CELF2: variants seen among roughly 807,000 people sequenced by gnomAD.
The protein encoded by CELF2 is CUG triplet repeat RNA-binding protein 2.
Under a neutral mutation model 62.6 loss-of-function variants are expected in CELF2, and 8 were observed. The ratio of observed to expected loss-of-function variants is 0.13; its 90% CI spans 0.07 to 0.23. CELF2 has a LOEUF of 0.23. CELF2 is among the 10% of genes least tolerant of loss of function. The pLI, the probability that CELF2 is intolerant of heterozygous loss-of-function variation, is 1.00. For synonymous variants in CELF2, 258 were observed against 250.0 expected (o/e 1.03, Z -0.30); for missense variants, 333 against 671.0 (o/e 0.50, Z 5.56).
chr10:11,136,254 G>A (rs1219753407), intron 1 of CELF2, among the ~76,000 whole-genome samples: 1 of 152,162 alleles, frequency 6.6e-6, no homozygotes, highest in African/African-American at 2.4e-5. Context: ...AGAGAATATA[G>A]CATGGTTCCT....
Position 11,321,519 on chromosome 10 carries a change from T to TA in CELF2, c.1294+147dup, listed in dbSNP as rs34817797. 0.055 allele frequency: 30,790 copies of TA among 564,012 alleles called. 733 individuals are homozygous for TA. The highest frequency in any genetic ancestry group is 0.2 in the African/African-American group (10,569 of 51,958). 34.9% of individuals were successfully genotyped at this position (564,012 alleles called of 1,614,324 possible). A position where few individuals can be genotyped will look rare whatever the true frequency, so the allele number is the denominator to read the frequency against. On this transcript the variant is annotated intron_variant, in intron 11 of 12. Coordinates refer to ENST00000633077, the MANE Select transcript of CELF2 (RefSeq NM_001326342.2). The surrounding 1 kb of genome is among the most constrained non-coding windows in gnomAD (Gnocchi z 6.2). ...AAGCAGTTGTTTTGTTATTCATGTT[T>TA]AAAAAAAAAAAAAACTGAAAGCTGG...
At chr10:10,775,358 C>T in the CELF2 span, among the ~76,000 whole-genome samples, 68 of 151,938 alleles carry the variant, frequency 4.5e-4, no homozygotes, top group Non-Finnish European at 4.3e-4. Context: ...AGGCCAGGTG[C>T]GGTGGCTCAC....
the CELF2 span, among the ~76,000 whole-genome samples, chr10:10,679,358 C>T: frequency 3.3e-5 from 5 of 152,224 alleles, no homozygotes; most frequent in Middle Eastern, 3.4e-3. Context: ...GATGTGATCT[C>T]GGCTCACTGC....
At chr10:10,790,626 A>G in the CELF2 span, among the ~76,000 whole-genome samples, 2 of 152,176 alleles carry the variant, frequency 1.3e-5, no homozygotes, top group African/African-American at 4.8e-5. Flanking sequence ...TCTTGCTCAA[A>G]GGACACAGAT....
upstream of CELF2, chr10:10,798,475 G>GAGCTTAATCCA (rs1394775855): frequency 6.3e-6 from 2 of 319,394 alleles, no homozygotes; most frequent in Non-Finnish European, 1.1e-5. Flanking sequence ...ATTTAAGTGA[G>GAGCTTAATCCA]AGCTGTGCTT....
At chr10:11,003,418 C>CA (rs558037479), upstream of CELF2, among the ~76,000 whole-genome samples, 103 of 152,212 alleles carry the variant, frequency 6.8e-4, 1 homozygote, top group South Asian at 3.9e-3. The surrounding 1 kb of genome is among the most constrained non-coding windows in gnomAD (Gnocchi z 4.4). Context: ...TGGAAATATG[C>CA]AAAAAGGGCT....
intron 1 of CELF2, among the ~76,000 whole-genome samples, chr10:10,860,851 G>T (rs1378893418): frequency 1.3e-5 from 2 of 152,220 alleles, no homozygotes; most frequent in African/African-American, 4.8e-5. Context: ...TTAGTTGACA[G>T]CCTGTGATTT....
rs1184754262 is a variant in CELF2 at position 11,039,718 on chromosome 10, T to C, written c.74+21555T>C. On this transcript the variant is annotated intron_variant, in intron 1 of 12. Transcript: ENST00000633077. This position sits in a 1 kb window ranked among gnomAD's most constrained non-coding sequence, Gnocchi z 4.1. ...TTGAACCAGGAACATTATGTACCAG[T>C]TTTTAAGGCTAGTTTCATTTAGGAA... Among the ~76,000 whole-genome samples, 1 of 152,202 alleles carries C rather than the reference T, an allele frequency of 6.6e-6. No homozygotes were observed. Among genetic ancestry groups the C allele is most frequent in the Non-Finnish European group, 1.5e-5 (1 of 68,028 alleles).
chr10:10,676,735 T>G, the CELF2 span, among the ~76,000 whole-genome samples: 1 of 152,248 alleles, frequency 6.6e-6, no homozygotes, highest in Admixed American at 6.5e-5. Flanking sequence ...TGTTTCCAGT[T>G]TGGAGGGCAG....
At chr10:11,103,309 G>A (rs576359857) in intron 1 of CELF2, among the ~76,000 whole-genome samples, 1 of 149,848 alleles carries the variant, frequency 6.7e-6, no homozygotes, top group Non-Finnish European at 1.5e-5. Flanking sequence ...TTTTTGCTCC[G>A]ATGCTTTCTT....
At chr10:10,641,268 T>C in the CELF2 span, among the ~76,000 whole-genome samples, 1 of 152,328 alleles carries the variant, frequency 6.6e-6, no homozygotes, top group African/African-American at 2.4e-5. Flanking sequence ...CTTCAGCACG[T>C]GACTTAGTTT....
chr10:10,701,846 T>C, the CELF2 span, among the ~76,000 whole-genome samples: 1 of 152,180 alleles, frequency 6.6e-6, no homozygotes, highest in African/African-American at 2.4e-5. Flanking sequence ...CTCTACCCCG[T>C]AGTTAGACGA....
At chr10:11,144,737 A>G (rs2061942853) in intron 1 of CELF2, among the ~76,000 whole-genome samples, 1 of 151,788 alleles carries the variant, frequency 6.6e-6, no homozygotes, top group Admixed American at 6.6e-5. Flanking sequence ...TACAAAACAT[A>G]AAAAATCAGC....
chr10:11,125,572 AAATAAACC>A (rs150345830), intron 1 of CELF2, among the ~76,000 whole-genome samples: 2,477 of 152,244 alleles, frequency 0.016, 64 homozygotes, highest in African/African-American at 0.057. Context: ...CCCTTTTTTA[AAATAAACC>A]AATGATGTGT....
chr10:11,029,866 G>T (rs1028929230), intron 1 of CELF2, among the ~76,000 whole-genome samples: 1 of 152,240 alleles, frequency 6.6e-6, no homozygotes, highest in Non-Finnish European at 1.5e-5. Context: ...TGGGCCAACA[G>T]TTTTAAATCT....
In CELF2 at chr10:11,039,068, C is replaced by T. The variant is rs955687282; in HGVS notation, c.74+20905C>T. On this transcript the variant is annotated intron_variant, in intron 1 of 12. Transcript: ENST00000633077. The surrounding 1 kb of genome is among the most constrained non-coding windows in gnomAD (Gnocchi z 4.1). ...ACAGTATCCTGGACAAGTGTGCACA[C>T]GCGCTTGCATCCACACCACTCTCAT... Among the ~76,000 whole-genome samples, 4 of 152,206 alleles carry T rather than the reference C, an allele frequency of 2.6e-5. No individual in the cohort carries two copies. The highest frequency in any genetic ancestry group is 4.8e-5 in the African/African-American group (2 of 41,454).
At chr10:11,130,544 G>T (rs2059460363) in intron 1 of CELF2, among the ~76,000 whole-genome samples, 1 of 152,194 alleles carries the variant, frequency 6.6e-6, no homozygotes, top group African/African-American at 2.4e-5. Context: ...TTTGTGATGT[G>T]TGTATGTAAT....
At chr10:10,623,085 C>CAAAAAAAAA in the CELF2 span, among the ~76,000 whole-genome samples, 184 of 57,210 alleles carry the variant, frequency 3.2e-3, 7 homozygotes, top group East Asian at 0.017. Flanking sequence ...GACTCCGTCT[C>CAAAAAAAAA]AAAAAAAAAA....
chr10:11,161,534 A>G (rs1292982356), intron 1 of CELF2, among the ~76,000 whole-genome samples: 2 of 152,270 alleles, frequency 1.3e-5, no homozygotes, highest in Non-Finnish European at 2.9e-5. Context: ...AAGTCAATGT[A>G]TCTCTGACTC....
Sources: gnomAD v4.1 joint callset for allele counts (sites outside exome capture counted in the v4.1 genomes callset) on GRCh38, gnomAD v4.1.1 for gene constraint, Gnocchi (gnomAD v3.1) non-coding constraint, MANE v1.5 for transcripts, NCBI Gene and HGNC (gene_info 2026-07-23, HGNC 2026-07-21) for gene names.